Variants in MPPE1 observed in about 807,000 individuals in gnomAD.
MPPE1 encodes metallo phosphoesterase.
A neutral mutation model predicts 43.8 loss-of-function variants in MPPE1; 28 were observed. The observed-to-expected ratio is 0.64, with a 90% CI of 0.47 to 0.88. The LOEUF (loss-of-function observed/expected upper bound fraction) is 0.88. MPPE1 is among the 40% of genes least tolerant of loss of function. The pLI is 0.00. For synonymous variants in MPPE1, 159 were observed against 188.5 expected (o/e 0.84, Z 1.28); for missense variants, 428 against 492.2 (o/e 0.87, Z 1.23).
At position 11,893,663 on chromosome 18, in the gene MPPE1, T is replaced by G. The variant is rs566568525; in HGVS notation, c.282-87A>C. The G allele has an allele frequency of 6.6e-4, 704 of 1,060,640 alleles. No individual in the cohort carries two copies. The African/African-American group carries it at 9.9e-3, about 15-fold the overall frequency. 65.7% of individuals were successfully genotyped at this position (1,060,640 alleles called of 1,614,324 possible). Reference sequence around the variant, plus strand: ...ATTATGCACCATTTAAACAGCAAACTAAATGGTTCCACTCTCCTTCTTCCA... The same window carrying G: ...ATTATGCACCATTTAAACAGCAAACGAAATGGTTCCACTCTCCTTCTTCCA... On this transcript the variant is annotated intron_variant, in intron 3 of 10. Transcript: ENST00000588072.
intron 3 of MPPE1, among the ~76,000 whole-genome samples, chr18:11,895,014 C>G (rs2038437008): frequency 6.6e-6 from 1 of 152,218 alleles, no homozygotes; most frequent in African/African-American, 2.4e-5. Flanking sequence ...GTTTGCTCAG[C>G]CCTCCCCGTC....
At chr18:11,903,572 C>G (rs917649475) in intron 2 of MPPE1, among the ~76,000 whole-genome samples, 1 of 152,074 alleles carries the variant, frequency 6.6e-6, no homozygotes, top group Admixed American at 6.6e-5. Flanking sequence ...TTTGGGAGGC[C>G]GAGGCGGGCG....
chr18:11,883,512 A>C lies in MPPE1; in HGVS notation c.*933T>G, dbSNP rs1023487158. On this transcript the variant is annotated 3_prime_UTR_variant, in exon 11 of 11. Coordinates refer to ENST00000588072, the MANE Select transcript of MPPE1 (RefSeq NM_023075.6). Reference sequence around the variant, plus strand: ...ATTATTAAAGCATTTATTTTCAGGTACCAAAAGCCATATCCCATTCCACTT... The same window carrying C: ...ATTATTAAAGCATTTATTTTCAGGTCCCAAAAGCCATATCCCATTCCACTT... The C allele has an allele frequency of 7.8e-5, 12 of 153,674 alleles. No homozygotes were observed. Among genetic ancestry groups the C allele is most frequent in the African/African-American group, 2.9e-4 (12 of 41,466 alleles). The allele number at this position is 153,674 out of a possible 1,614,324, so 9.5% of individuals were successfully genotyped here.
At position 11,897,332 on chromosome 18, in the gene MPPE1, T is replaced by C. The variant is rs879236122; in HGVS notation, c.-68A>G. The C allele has an allele frequency of 3.0e-6, 3 of 1,010,408 alleles. No individual in the cohort carries two copies. The highest frequency in any genetic ancestry group is 4.4e-6 in the Non-Finnish European group (3 of 674,674). 62.6% of individuals were successfully genotyped at this position (1,010,408 alleles called of 1,614,324 possible). The stretch of plus-strand genomic sequence containing the variant: ...AACTGCAGAGCCCTGGGGAGGGTGA[T>C]GGCATTCAGGTCTTAGCTGGGCACC... On this transcript the variant is annotated 5_prime_UTR_variant, in exon 3 of 11. Transcript: ENST00000588072.
At chr18:11,885,933 C>T (rs2037169805) in intron 9 of MPPE1, 117 bp from the exon 10 acceptor site, 4 of 1,045,000 alleles carry the variant, frequency 3.8e-6, no homozygotes, top group Non-Finnish European at 5.1e-6. Flanking sequence ...ATACTAAATC[C>T]TTATTTTGAA....
chr18:11,889,593 T>G, intron 4 of MPPE1, 103 bp from the exon 5 acceptor site: 1 of 729,234 alleles, frequency 1.4e-6, no homozygotes, highest in Non-Finnish European at 2.2e-6. Flanking sequence ...GAGACGAGTC[T>G]GGCTCTGTCT....
chr18:11,897,530 C>G, intron 2 of MPPE1, 174 bp from the exon 3 acceptor site: 1 of 404,772 alleles, frequency 2.5e-6, no homozygotes, highest in South Asian at 3.7e-5. Flanking sequence ...ACTGACCTCT[C>G]TGACTCCTTC....
chr18:11,898,163 G>A (rs2038786844), intron 2 of MPPE1, among the ~76,000 whole-genome samples: 1 of 152,172 alleles, frequency 6.6e-6, no homozygotes, highest in African/African-American at 2.4e-5. Flanking sequence ...CCGCCTCCTG[G>A]GTTCAAGTGA....
At position 11,886,839 on chromosome 18, in the gene MPPE1, C is replaced by A; in HGVS notation, c.679-61G>T. On this transcript the variant is annotated intron_variant, in intron 7 of 10. Transcript: ENST00000588072. This position sits in a 1 kb window ranked among gnomAD's most constrained non-coding sequence, Gnocchi z 4.1. ...CTGACCCTCATCAAAGGGCAAGAAGCGCTAGGGGGCTGAGTGAGCAACCGA... is the reference window on the plus strand; with the variant it reads ...CTGACCCTCATCAAAGGGCAAGAAGAGCTAGGGGGCTGAGTGAGCAACCGA... 1 of 1,597,686 alleles carries A rather than the reference C, an allele frequency of 6.3e-7. No homozygotes were observed. Among genetic ancestry groups the A allele is most frequent in the Non-Finnish European group, 8.6e-7 (1 of 1,169,278 alleles).
chr18:11,886,297 T>G lies in MPPE1; in HGVS notation c.867+202A>C. 1.5e-6 allele frequency: 1 copy of G among 652,052 alleles called. No homozygotes were observed. The highest frequency in any genetic ancestry group is 1.8e-5 in the African/African-American group (1 of 54,620). 40.4% of individuals were successfully genotyped at this position (652,052 alleles called of 1,614,324 possible). A position where few individuals can be genotyped will look rare whatever the true frequency, so the allele number is the denominator to read the frequency against. On this transcript the variant is annotated intron_variant, in intron 9 of 10. Coordinates refer to ENST00000588072, the MANE Select transcript of MPPE1 (RefSeq NM_023075.6). This position sits in a 1 kb window ranked among gnomAD's most constrained non-coding sequence, Gnocchi z 4.1. Reference sequence around the variant, plus strand: ...CTTGAGGGTAGGAAACAGAAGTAGGTTTACTGGAAAAAAAAAAAGCGATTA... The same window carrying G: ...CTTGAGGGTAGGAAACAGAAGTAGGGTTACTGGAAAAAAAAAAAGCGATTA...
chr18:11,893,856 C>T (rs544802762), intron 3 of MPPE1, among the ~76,000 whole-genome samples: 2 of 152,288 alleles, frequency 1.3e-5, no homozygotes, highest in South Asian at 2.1e-4. Flanking sequence ...AGCCATCACT[C>T]GGTCAAGACA....
Position 11,883,574 on chromosome 18 carries a change from A to T in MPPE1, c.*871T>A, listed in dbSNP as rs145375780. On this transcript the variant is annotated 3_prime_UTR_variant, in exon 11 of 11. Coordinates refer to ENST00000588072, the MANE Select transcript of MPPE1 (RefSeq NM_023075.6). ...TTTGATCACTGACAGGCATTAACAG[A>T]TGTAGCAACGTGGTCTCCTATAGAG... 3.7e-3 allele frequency: 565 copies of T among 153,766 alleles called. 3 individuals are homozygous for T. The highest frequency in any genetic ancestry group is 5.4e-3 in the Non-Finnish European group (366 of 68,032). 9.5% of individuals were successfully genotyped at this position (153,766 alleles called of 1,614,324 possible). A position where few individuals can be genotyped will look rare whatever the true frequency, so the allele number is the denominator to read the frequency against.
At chr18:11,884,934 A>C in intron 10 of MPPE1, 1 of 1,294,084 alleles carries the variant, frequency 7.7e-7, no homozygotes, top group Non-Finnish European at 1.0e-6. Context: ...TGGGGGATCC[A>C]TAACAGAGAT....
intron 3 of MPPE1, among the ~76,000 whole-genome samples, chr18:11,894,841 C>T (rs571239987): frequency 6.6e-6 from 1 of 152,296 alleles, no homozygotes; most frequent in Admixed American, 6.5e-5. Context: ...CCACCCGCCT[C>T]AGCCTCCCAA....
chr18:11,904,848 C>T (rs1415099466), intron 2 of MPPE1, among the ~76,000 whole-genome samples: 1 of 151,734 alleles, frequency 6.6e-6, no homozygotes, highest in Non-Finnish European at 1.5e-5. Flanking sequence ...GAGGTTGAGG[C>T]ACAAGAATCA....
intron 4 of MPPE1, among the ~76,000 whole-genome samples, chr18:11,892,239 T>C (rs1442456471): frequency 1.3e-5 from 2 of 150,286 alleles, no homozygotes; most frequent in Admixed American, 6.7e-5. Context: ...ACTCGAGAGG[T>C]TGAGGAGGGA....
chr18:11,905,881 G>A (rs895159228), intron 2 of MPPE1: 9 of 152,218 alleles, frequency 5.9e-5, no homozygotes, highest in African/African-American at 1.4e-4. Context: ...AAATGGCAGC[G>A]CTGCTCTGTG....
intron 1 of MPPE1, among the ~76,000 whole-genome samples, chr18:11,907,021 C>T (rs2039788953): frequency 1.3e-5 from 2 of 152,100 alleles, no homozygotes; most frequent in Admixed American, 1.3e-4. Context: ...CCAGAGTTAA[C>T]CTTGTTTTAG....
intron 3 of MPPE1, among the ~76,000 whole-genome samples, chr18:11,895,953 G>C (rs560681728): frequency 6.6e-6 from 1 of 152,040 alleles, no homozygotes; most frequent in African/African-American, 2.4e-5. Context: ...GCTACTTGGC[G>C]AGACCAGACA....
Sources: allele counts gnomAD v4.1 joint callset (sites outside exome capture counted in the v4.1 genomes callset), GRCh38; gene constraint gnomAD v4.1.1; non-coding constraint Gnocchi (gnomAD v3.1); transcripts MANE v1.5; gene names NCBI Gene and HGNC (gene_info 2026-07-23, HGNC 2026-07-21).